Variants in SOCS6 observed in about 807,000 individuals in gnomAD.
The protein encoded by SOCS6 is STAT induced STAT inhibitor-4.
Under a neutral mutation model 27.7 loss-of-function variants are expected in SOCS6, and 5 were observed. The ratio of observed to expected loss-of-function variants is 0.18; its 90% confidence interval spans 0.09 to 0.38. SOCS6 has a LOEUF of 0.38. Among genes scored for constraint, SOCS6 ranks in the 10% least tolerant of loss-of-function variants. The probability of loss-of-function intolerance (pLI) is 1.00; values close to 1 mark genes in which losing one functional copy is unlikely to be tolerated. For missense variants in SOCS6, 595 were observed against 688.1 expected, an observed-to-expected ratio of 0.86 and a Z score of 1.51; for synonymous variants, 271 against 260.0, an observed-to-expected ratio of 1.04 and a Z score of -0.41.
intron 1 of SOCS6, among the ~76,000 whole-genome samples, chr18:70,323,096 A>G (rs1911049452): frequency 6.6e-6 from 1 of 152,226 alleles, no homozygotes; most frequent in Non-Finnish European, 1.5e-5. Context: ...GAGTGAATTC[A>G]TGAATGGGAT....
chr18:70,322,846 A>C (rs1174149122), intron 1 of SOCS6, among the ~76,000 whole-genome samples: 1 of 152,176 alleles, frequency 6.6e-6, no homozygotes, highest in Non-Finnish European at 1.5e-5. Context: ...TTCCATCTGC[A>C]CACCACCCGA....
chr18:70,314,859 T>TTG (rs1555790121), intron 1 of SOCS6, among the ~76,000 whole-genome samples: 59 of 106,288 alleles, frequency 5.6e-4, no homozygotes, highest in African/African-American at 1.5e-3. Context: ...AGCTCTGATT[T>TTG]TGTGTGTATA....
intron 1 of SOCS6, among the ~76,000 whole-genome samples, chr18:70,314,569 A>G (rs1205904024): frequency 6.6e-6 from 1 of 152,194 alleles, no homozygotes; most frequent in Non-Finnish European, 1.5e-5. Context: ...CTATACCATA[A>G]AGCCTAGGTA....
At chr18:70,320,230 C>T (rs1910927680) in intron 1 of SOCS6, among the ~76,000 whole-genome samples, 1 of 152,108 alleles carries the variant, frequency 6.6e-6, no homozygotes, top group African/African-American at 2.4e-5. Flanking sequence ...CTCAAGTGTT[C>T]CACCCACCTC....
At chr18:70,318,953 A>G (rs1910875857) in intron 1 of SOCS6, among the ~76,000 whole-genome samples, 1 of 152,154 alleles carries the variant, frequency 6.6e-6, no homozygotes, top group Admixed American at 6.5e-5. Context: ...AAAAGAAAAG[A>G]AAAGAAAAAA....
At chr18:70,307,857 C>G (rs1050909620) in intron 1 of SOCS6, among the ~76,000 whole-genome samples, 4 of 151,978 alleles carry the variant, frequency 2.6e-5, no homozygotes, top group Non-Finnish European at 1.5e-5. Context: ...AATTTCTACT[C>G]TAACATTTAC....
In SOCS6 at chr18:70,306,018, G is replaced by A. The variant is rs372958616; in HGVS notation, c.-127+16928G>A. Among the ~76,000 whole-genome samples the A allele has an allele frequency of 1.7e-4, 26 of 152,142 alleles. No individual in the cohort carries two copies. The East Asian group carries it at 3.9e-3, about 23-fold the overall frequency. On this transcript the variant is annotated intron_variant, in intron 1 of 1. Coordinates refer to ENST00000397942, the MANE Select transcript of SOCS6 (RefSeq NM_004232.4). Reference sequence around the variant, plus strand: ...TTTGGGAGGCCAAGGCTGGAGGATCGCTTGAGCCTAGGAGTTTAAGACCAG... The same window carrying A: ...TTTGGGAGGCCAAGGCTGGAGGATCACTTGAGCCTAGGAGTTTAAGACCAG...
chr18:70,313,073 C>T (rs538170607), intron 1 of SOCS6, among the ~76,000 whole-genome samples: 1 of 152,286 alleles, frequency 6.6e-6, no homozygotes, highest in South Asian at 2.1e-4. Context: ...AGCCACCACA[C>T]CGGGTCCATG....
intron 1 of SOCS6, among the ~76,000 whole-genome samples, chr18:70,306,124 G>A (rs2062368249): frequency 6.6e-6 from 1 of 152,108 alleles, no homozygotes; most frequent in African/African-American, 2.4e-5. Flanking sequence ...AAGCTCCTTG[G>A]AAGGCTGAGG....
intron 1 of SOCS6, among the ~76,000 whole-genome samples, chr18:70,323,137 A>C (rs1911050642): frequency 6.6e-6 from 1 of 152,184 alleles, no homozygotes; most frequent in African/African-American, 2.4e-5. Flanking sequence ...TGTGCCAAGA[A>C]ACTGAGTGGC....
rs528254599 is a variant in SOCS6, at chr18:70,290,856, C to T, written c.-127+1766C>T. Among the ~76,000 whole-genome samples the T allele has an allele frequency of 2.0e-5, 3 of 152,234 alleles. No homozygotes were observed. The South Asian group carries it at 6.2e-4, about 32-fold the overall frequency. Reference sequence around the variant, plus strand: ...TTACCCTCTAAATTGGTAGTCTTGCCCCTTTCTCTTCAGCAGGGCCTCCCA... The same window carrying T: ...TTACCCTCTAAATTGGTAGTCTTGCTCCTTTCTCTTCAGCAGGGCCTCCCA... On this transcript the variant is annotated intron_variant, in intron 1 of 1. Coordinates refer to ENST00000397942, the MANE Select transcript of SOCS6 (RefSeq NM_004232.4).
chr18:70,324,273 G>T (rs1911100532), intron 1 of SOCS6, among the ~76,000 whole-genome samples: 1 of 143,756 alleles, frequency 7.0e-6, no homozygotes, highest in Non-Finnish European at 1.5e-5. Flanking sequence ...CTGCACTCCA[G>T]CCTGGGCGAA....
At chr18:70,291,147 C>A (rs2062297614) in intron 1 of SOCS6, among the ~76,000 whole-genome samples, 1 of 152,192 alleles carries the variant, frequency 6.6e-6, no homozygotes, top group African/African-American at 2.4e-5. Flanking sequence ...TCCTCTGTCA[C>A]CCAGGGTGGA....
At chr18:70,304,582 G>A (rs985008343) in intron 1 of SOCS6, among the ~76,000 whole-genome samples, 3 of 152,114 alleles carry the variant, frequency 2.0e-5, no homozygotes, top group Non-Finnish European at 2.9e-5. Flanking sequence ...AGCCATTTGT[G>A]TGTTGTCTTT....
In SOCS6 at chr18:70,306,957, G is replaced by A. The variant is rs540317835; in HGVS notation, c.-126-17586G>A. Among the ~76,000 whole-genome samples, 52 of 152,244 alleles carry A rather than the reference G, an allele frequency of 3.4e-4. No homozygotes were observed. The South Asian group carries it at 0.011, about 32-fold the overall frequency. On this transcript the variant is annotated intron_variant, in intron 1 of 1. Coordinates refer to ENST00000397942, the MANE Select transcript of SOCS6 (RefSeq NM_004232.4). ...TTTTATATGTTGCTGAATTCAGTTT[G>A]CTGATGTTTTGTTAAGAAGTTTTGG... is the stretch of plus-strand genomic sequence containing the variant.
In SOCS6 at chr18:70,306,346, CGCTACTGGGGAG is replaced by C. The variant is rs1045934092; in HGVS notation, c.-127+17278_-127+17289del. The stretch of plus-strand genomic sequence containing the variant: ...AAAATTAGCTGGGTGTGGTGGCGCA[CGCTACTGGGGAG>C]GCTACTGGGGAGGCTACTGGGAGCT... On this transcript the variant is annotated intron_variant, in intron 1 of 1. Transcript: ENST00000397942. 5.0e-4 allele frequency among the ~76,000 whole-genome samples: 75 copies of C among 151,464 alleles called. 1 individual carries two copies. Among genetic ancestry groups the C allele is most frequent in the African/African-American group, 1.0e-3 (43 of 41,306 alleles).
At chr18:70,304,811 T>A (rs1355486535) in intron 1 of SOCS6, among the ~76,000 whole-genome samples, 1 of 152,246 alleles carries the variant, frequency 6.6e-6, no homozygotes, top group Non-Finnish European at 1.5e-5. Flanking sequence ...ATTTTAATGA[T>A]GTTTAACTTA....
At chr18:70,305,836 T>C (rs1036321404) in intron 1 of SOCS6, among the ~76,000 whole-genome samples, 1 of 152,156 alleles carries the variant, frequency 6.6e-6, no homozygotes, top group South Asian at 2.1e-4. Context: ...TAATTCACTT[T>C]TGGTGTGCTA....
rs1209684476 is a variant in SOCS6 at position 70,327,965 on chromosome 18, ATAT to A, written c.*1693_*1695del. On this transcript the variant is annotated 3_prime_UTR_variant, in exon 2 of 2. Coordinates refer to ENST00000397942, the MANE Select transcript of SOCS6 (RefSeq NM_004232.4). ...TACCAAGAAAAGGCACAATGCCATA[ATAT>A]TATGGTGTTATGGTATTTTGACTTA... is the stretch of plus-strand genomic sequence containing the variant. The A allele has an allele frequency of 6.0e-6, 1 of 167,014 alleles. No homozygotes were observed. Among genetic ancestry groups the A allele is most frequent in the Non-Finnish European group, 1.5e-5 (1 of 68,106 alleles). 10.3% of individuals were successfully genotyped at this position (167,014 alleles called of 1,614,324 possible).
Sources: gnomAD v4.1 joint callset for allele counts (sites outside exome capture counted in the v4.1 genomes callset) on GRCh38, gnomAD v4.1.1 for gene constraint, MANE v1.5 for transcripts, NCBI Gene and HGNC (gene_info 2026-07-23, HGNC 2026-07-21) for gene names.